SUFU: variants seen among roughly 807,000 people sequenced by gnomAD.
SUFU encodes suppressor of fused homolog.
In SUFU, 7 loss-of-function variants were observed where a neutral mutation model predicts 58.9. The observed-to-expected ratio is 0.12, with a 90% CI of 0.07 to 0.22. SUFU has a LOEUF of 0.22. SUFU is among the 10% of genes least tolerant of loss of function. The probability of loss-of-function intolerance (pLI) is 1.00; values close to 1 mark genes in which losing one functional copy is unlikely to be tolerated. For synonymous variants in SUFU, 232 were observed against 254.8 expected (o/e 0.91, Z 0.85); for missense variants, 451 against 641.3 (o/e 0.70, Z 3.20).
At chr10:102,550,179 A>G (rs2062898218) in intron 3 of SUFU, 73 bp downstream of exon 3, 7 of 1,603,790 alleles carry the variant, frequency 4.4e-6, no homozygotes, top group Middle Eastern at 1.7e-4. Context: ...ACTAGCAGCT[A>G]TATTTTGATG....
At chr10:102,517,517 T>G (rs1264105784) in intron 2 of SUFU, among the ~76,000 whole-genome samples, 1 of 152,186 alleles carries the variant, frequency 6.6e-6, no homozygotes, top group Non-Finnish European at 1.5e-5. Context: ...CAAGCTGTGC[T>G]GTTATCTATT....
At chr10:102,576,498 T>C (rs1230711600) in intron 3 of SUFU, among the ~76,000 whole-genome samples, 1 of 152,216 alleles carries the variant, frequency 6.6e-6, no homozygotes, top group African/African-American at 2.4e-5. Context: ...GATGCACCTT[T>C]AGGTTGTTGC....
chr10:102,570,536 G>GT (rs1228217588), intron 3 of SUFU, among the ~76,000 whole-genome samples: 1 of 115,970 alleles, frequency 8.6e-6, no homozygotes, highest in African/African-American at 3.2e-5. Context: ...GGTTTTTTTA[G>GT]TTTTTTGTTT....
At chr10:102,556,635 C>T (rs776368744) in intron 3 of SUFU, among the ~76,000 whole-genome samples, 3 of 151,388 alleles carry the variant, frequency 2.0e-5, no homozygotes, top group Non-Finnish European at 4.4e-5. Context: ...CCCAGCTACT[C>T]AGGAGGCTGA....
At chr10:102,514,529 G>A (rs914158312) in intron 2 of SUFU, among the ~76,000 whole-genome samples, 5 of 152,220 alleles carry the variant, frequency 3.3e-5, no homozygotes, top group African/African-American at 1.2e-4. Flanking sequence ...CCAGGTCTGG[G>A]CAGCCACAGG....
At chr10:102,582,551 G>C (rs952007718) in intron 3 of SUFU, among the ~76,000 whole-genome samples, 1 of 152,268 alleles carries the variant, frequency 6.6e-6, no homozygotes. Flanking sequence ...CTGTGCGCCT[G>C]TTCAGCACCC....
chr10:102,516,194 C>T (rs991243909), intron 2 of SUFU, among the ~76,000 whole-genome samples: 3 of 146,558 alleles, frequency 2.0e-5, no homozygotes, highest in African/African-American at 5.1e-5. Context: ...GACACGACCT[C>T]GACTCTGCTG....
At chr10:102,536,471 C>A (rs1375896096) in intron 2 of SUFU, among the ~76,000 whole-genome samples, 1 of 148,378 alleles carries the variant, frequency 6.7e-6, no homozygotes, top group African/African-American at 2.5e-5. Flanking sequence ...TCAAGCAATT[C>A]TCCTGCCTCA....
intron 2 of SUFU, among the ~76,000 whole-genome samples, chr10:102,527,144 A>C (rs1483987682): frequency 3.3e-5 from 5 of 151,812 alleles, no homozygotes; most frequent in Admixed American, 6.6e-5. Flanking sequence ...CTGGGACCAC[A>C]GGCACCCACC....
Position 102,617,350 on chromosome 10 carries a change from C to T in SUFU, c.1218C>T (p.Ile406=). Residue 406 remains isoleucine (I), a synonymous_variant, in exon 10 of 12, where the codon ATC becomes ATT. Coordinates refer to ENST00000369902, the MANE Select transcript of SUFU (RefSeq NM_016169.4). The surrounding 1 kb of genome is among the most constrained non-coding windows in gnomAD (Gnocchi z 4.4). ...AAAGTATCACAGGTGACATGGCCAT[C>T]ACGTTTGTCTCCACGGGAGTGGAAG... The part of the protein sequence containing the change: ...TYKSITGDMA[I]TFVSTGVEGA... 1 of 1,614,226 alleles carries T rather than the reference C, an allele frequency of 6.2e-7. No homozygotes were observed. The highest frequency in any genetic ancestry group is 8.5e-7 in the Non-Finnish European group (1 of 1,180,046).
intron 3 of SUFU, among the ~76,000 whole-genome samples, chr10:102,589,442 C>CTTTCTTTTT (rs1554851911): frequency 1.5e-5 from 1 of 65,356 alleles, no homozygotes; most frequent in Admixed American, 2.7e-4. Flanking sequence ...TTCTTTCTTT[C>CTTTCTTTTT]TTTTTTTTTT....
At chr10:102,618,243 C>G (rs2063706823) in intron 10 of SUFU, 1 of 152,482 alleles carries the variant, frequency 6.6e-6, no homozygotes, top group Non-Finnish European at 1.5e-5. Context: ...GAACCTGACC[C>G]TAAACCTAAA....
At chr10:102,528,968 T>A (rs2135690323) in intron 2 of SUFU, among the ~76,000 whole-genome samples, 1 of 146,006 alleles carries the variant, frequency 6.8e-6, no homozygotes, top group East Asian at 2.0e-4. Context: ...TTTCTTTTTT[T>A]TTTTTTTTTT....
At chr10:102,504,550 AT>A (rs909536339) in intron 1 of SUFU, among the ~76,000 whole-genome samples, 5 of 150,588 alleles carry the variant, frequency 3.3e-5, no homozygotes, top group Non-Finnish European at 7.4e-5. Flanking sequence ...GTTAACCGGG[AT>A]TAGGAGAATA....
At chr10:102,536,356 T>G (rs571132886) in intron 2 of SUFU, among the ~76,000 whole-genome samples, 26 of 135,290 alleles carry the variant, frequency 1.9e-4, no homozygotes, top group Non-Finnish European at 3.0e-4. Flanking sequence ...CTATAATAAT[T>G]TTATTGCTTT....
At position 102,577,080 on chromosome 10, in the gene SUFU, C is replaced by CTTTTTTTTTTTTT. The variant is rs10656431; in HGVS notation, c.455-15498_455-15497insTTTTTTTTTTTTT. 4.1e-5 allele frequency among the ~76,000 whole-genome samples: 4 copies of CTTTTTTTTTTTTT among 97,086 alleles called. 1 individual carries two copies. Among genetic ancestry groups the CTTTTTTTTTTTTT allele is most frequent in the African/African-American group, 7.0e-5 (2 of 28,410 alleles). The allele number at this position is 97,086 out of a possible 152,430, so 63.7% of individuals were successfully genotyped here. ...AGTAGAAGCATGTCCTGGATTTTTTCTTTTCTTTTTTTTTTTTTTTTGAGA... is the reference window on the plus strand; with the variant it reads ...AGTAGAAGCATGTCCTGGATTTTTTCTTTTTTTTTTTTTTTTTCTTTTTTTTTTTTTTTTGAGA... On this transcript the variant is annotated intron_variant, in intron 3 of 11. Transcript: ENST00000369902.
chr10:102,615,148 T>C, intron 8 of SUFU, 120 bp from the exon 9 acceptor site: 1 of 1,445,226 alleles, frequency 6.9e-7, no homozygotes, highest in Non-Finnish European at 9.6e-7. Context: ...GCTGTCACCA[T>C]CATTATCATC....
In SUFU at chr10:102,573,121, G is replaced by A. The variant is rs1314993918; in HGVS notation, c.455-19461G>A. On this transcript the variant is annotated intron_variant, in intron 3 of 11. Transcript: ENST00000369902. ...GTGACGTGCGGATCTTCTTTTTTTT[G>A]TGGCTGTGGACACCTTTCAACACTG... The A allele has an allele frequency of 5.9e-5, 46 of 777,826 alleles. 1 individual carries two copies. Among genetic ancestry groups the A allele is most frequent in the Non-Finnish European group, 1.2e-5 (5 of 431,204 alleles). The allele number at this position is 777,826 out of a possible 1,614,324, so 48.2% of individuals were successfully genotyped here.
At chr10:102,591,725 TGGA>T (rs1214399935) in intron 3 of SUFU, 1 of 152,142 alleles carries the variant, frequency 6.6e-6, no homozygotes. Context: ...AGGGAGCCTG[TGGA>T]TGCATAGGCT....
Sources: gnomAD v4.1 joint callset for allele counts (sites outside exome capture counted in the v4.1 genomes callset) on GRCh38, gnomAD v4.1.1 for gene constraint, Gnocchi (gnomAD v3.1) non-coding constraint, MANE v1.5 for transcripts, NCBI Gene and HGNC (gene_info 2026-07-23, HGNC 2026-07-21) for gene names.